Variants in SLC35F4 observed in about 807,000 individuals in gnomAD.
The protein encoded by SLC35F4 is chromosome 14 open reading frame 36.
SLC35F4 carries 24 observed loss-of-function variants against 44.2 expected under a neutral mutation model. That is an observed-to-expected ratio of 0.54 (90% CI 0.39 to 0.76). SLC35F4 has a LOEUF of 0.76. Among genes scored for constraint, SLC35F4 ranks in the 30% least tolerant of loss-of-function variants. The pLI is 0.00. For missense variants in SLC35F4, 562 were observed against 586.1 expected, an observed-to-expected ratio of 0.96 and a Z score of 0.42; for synonymous variants, 238 against 223.6, an observed-to-expected ratio of 1.06 and a Z score of -0.57.
At chr14:57,962,633 A>AGGG (rs1310697536) in intron 1 of SLC35F4, among the ~76,000 whole-genome samples, 1 of 152,208 alleles carries the variant, frequency 6.6e-6, no homozygotes, top group African/African-American at 2.4e-5. Flanking sequence ...AGGTCCATTA[A>AGGG]ATAAGGTCAT....
intron 1 of SLC35F4, among the ~76,000 whole-genome samples, chr14:57,676,556 A>T (rs1002589081): frequency 6.6e-6 from 1 of 152,144 alleles, no homozygotes; most frequent in Non-Finnish European, 1.5e-5. Flanking sequence ...CACATCCTGC[A>T]CATGTATCCT....
intron 1 of SLC35F4, among the ~76,000 whole-genome samples, chr14:57,661,279 A>G (rs17093530): frequency 0.026 from 3,950 of 152,188 alleles, 163 homozygotes; most frequent in African/African-American, 0.089. Flanking sequence ...CAGCCCGGGG[A>G]CAGCATTGAA....
intron 1 of SLC35F4, among the ~76,000 whole-genome samples, chr14:57,778,604 C>T (rs1018811518): frequency 9.9e-5 from 15 of 152,108 alleles, no homozygotes; most frequent in African/African-American, 3.6e-4. Flanking sequence ...TACCTGAACT[C>T]GACACTGGAC....
At position 57,943,839 on chromosome 14, in the gene SLC35F4, T is replaced by A. The variant is rs11847255; in HGVS notation, n.282+38074A>T. On this transcript the variant is annotated intron_variant and non_coding_transcript_variant, in intron 1 of 1. Coordinates refer to the SLC35F4 transcript ENST00000556568. ...CCTCGCAGGAAGTCACTCTGCATCATCTCTGTACTTTCTTCTTTCTTGGAC... is the reference window on the plus strand; with the variant it reads ...CCTCGCAGGAAGTCACTCTGCATCAACTCTGTACTTTCTTCTTTCTTGGAC... Among the ~76,000 whole-genome samples, 3,637 of 152,314 alleles carry A rather than the reference T, an allele frequency of 0.024. 344 individuals carry two copies. The East Asian group carries it at 0.35, about 15-fold the overall frequency.
chr14:57,834,482 A>G (rs1306941305), intron 1 of SLC35F4, among the ~76,000 whole-genome samples: 1 of 152,240 alleles, frequency 6.6e-6, no homozygotes, highest in African/African-American at 2.4e-5. Flanking sequence ...TTGAAATACA[A>G]AGAAAAACAT....
intron 2 of SLC35F4, among the ~76,000 whole-genome samples, chr14:57,591,186 T>C (rs1407024015): frequency 5.3e-5 from 8 of 152,204 alleles, no homozygotes; most frequent in Non-Finnish European, 1.0e-4. Flanking sequence ...GATTTGAATA[T>C]GAAAGACTTC....
intron 1 of SLC35F4, among the ~76,000 whole-genome samples, chr14:57,794,915 C>A (rs2078019238): frequency 1.3e-5 from 2 of 152,154 alleles, no homozygotes; most frequent in Admixed American, 1.3e-4. Context: ...AAAAGACCTT[C>A]AGAAATCTTG....
rs557213809 is a variant in SLC35F4, at chr14:57,745,218, C to A, written c.103+120505G>T. ...ACACCAAAAGCAATGGCAACAAAAG[C>A]CAAAATTGACAAATGGGATCTAATG... On this transcript the variant is annotated intron_variant, in intron 1 of 7. Transcript: ENST00000556826. Among the ~76,000 whole-genome samples, 267 of 152,242 alleles carry A rather than the reference C, an allele frequency of 1.8e-3. 2 individuals carry two copies. In the South Asian group the frequency reaches 0.02, roughly 12 times the overall value.
intron 1 of SLC35F4, chr14:57,630,234 G>A (rs1280022883): frequency 2.2e-4 from 124 of 556,356 alleles, no homozygotes; most frequent in Non-Finnish European, 3.9e-5. Context: ...ATGCTATGAT[G>A]ATGATGACAG....
intron 1 of SLC35F4, among the ~76,000 whole-genome samples, chr14:57,925,503 G>A (rs2783242): frequency 0.22 from 5,193 of 23,192 alleles, 195 homozygotes; most frequent in Non-Finnish European, 0.26. Flanking sequence ...GGAAGGGAGG[G>A]AGGGAGGGAG....
downstream of SLC35F4, among the ~76,000 whole-genome samples, chr14:57,974,023 C>G (rs575335958): frequency 3.9e-5 from 6 of 152,242 alleles, no homozygotes; most frequent in South Asian, 1.2e-3. Flanking sequence ...AAAACATCAA[C>G]CATTTTATTA....
intron 1 of SLC35F4, among the ~76,000 whole-genome samples, chr14:57,615,481 A>T (rs2071762010): frequency 6.6e-6 from 1 of 152,214 alleles, no homozygotes; most frequent in Admixed American, 6.5e-5. Flanking sequence ...GCTTTTGCCA[A>T]AGGACATAGT....
At chr14:57,865,643 G>A (rs1310779279) in intron 1 of SLC35F4, 80 bp downstream of exon 1, 6 of 1,231,626 alleles carry the variant, frequency 4.9e-6, no homozygotes, top group South Asian at 3.0e-5. Context: ...CCGCGCGCCC[G>A]CCCGTCCGCA....
At chr14:57,670,804 A>G (rs1333549587) in intron 1 of SLC35F4, among the ~76,000 whole-genome samples, 2 of 151,568 alleles carry the variant, frequency 1.3e-5, no homozygotes, top group Admixed American at 6.6e-5. Context: ...AGGGATACCT[A>G]TTCTATTAAT....
chr14:57,702,490 A>G (rs992447755), intron 1 of SLC35F4, among the ~76,000 whole-genome samples: 9 of 152,180 alleles, frequency 5.9e-5, no homozygotes, highest in African/African-American at 2.2e-4. Context: ...CATGTAAAAA[A>G]TCCATTTAAC....
chr14:57,576,811 A>T (rs917862865), intron 4 of SLC35F4, among the ~76,000 whole-genome samples: 4 of 152,028 alleles, frequency 2.6e-5, no homozygotes, highest in Admixed American at 1.3e-4. Flanking sequence ...TCAGAGGGAG[A>T]CCTGGATGTC....
intron 1 of SLC35F4, among the ~76,000 whole-genome samples, chr14:57,798,062 G>A (rs1470504158): frequency 7.5e-6 from 1 of 134,188 alleles, no homozygotes; most frequent in Admixed American, 8.5e-5. Context: ...CAAGCCTGCA[G>A]CCTAGAGCCA....
intron 1 of SLC35F4, among the ~76,000 whole-genome samples, chr14:57,732,170 T>A (rs550205365): frequency 4.1e-4 from 62 of 152,340 alleles, no homozygotes; most frequent in African/African-American, 1.4e-3. Context: ...TTTTCTGTTT[T>A]GAGCTTTATT....
rs890726086 is a variant in SLC35F4, at chr14:57,947,379, T to G, written n.282+34534A>C. On this transcript the variant is annotated intron_variant and non_coding_transcript_variant, in intron 1 of 1. Transcript: ENST00000556568. ...TGCTACTGATTTGTGTATATTGATT[T>G]TGTGTCCTGAAACTTTACTGAATTC... Among the ~76,000 whole-genome samples the G allele has an allele frequency of 3.9e-5, 6 of 152,278 alleles. No homozygotes were observed. In the East Asian group the frequency reaches 7.7e-4, roughly 20 times the overall value.
Sources: allele counts gnomAD v4.1 joint callset (sites outside exome capture counted in the v4.1 genomes callset), GRCh38; gene constraint gnomAD v4.1.1; transcripts MANE v1.5; gene names NCBI Gene and HGNC (gene_info 2026-07-23, HGNC 2026-07-21).